Variants in TBC1D32 observed in about 807,000 individuals in gnomAD.
TBC1D32 encodes TBC1 domain family member 32.
TBC1D32 carries 151 observed loss-of-function variants against 170.3 expected under a neutral mutation model. The ratio of observed to expected loss-of-function variants is 0.89; its 90% CI spans 0.78 to 1.01. The LOEUF (loss-of-function observed/expected upper bound fraction) is 1.01, where lower values mean the gene tolerates loss of function less well. Among genes scored for constraint, TBC1D32 ranks in the 50% least tolerant of loss-of-function variants. TBC1D32 has a pLI of 0.00. For missense variants in TBC1D32, 1,464 were observed against 1,457.1 expected (o/e 1.00, Z -0.08); for synonymous variants, 498 against 488.0 (o/e 1.02, Z -0.27).
intron 24 of TBC1D32, among the ~76,000 whole-genome samples, chr6:121,148,909 C>T (rs1783832992): frequency 6.6e-6 from 1 of 152,196 alleles, no homozygotes; most frequent in Non-Finnish European, 1.5e-5. Flanking sequence ...CACATCCTCT[C>T]CAGCATCCAT....
chr6:121,102,072 C>T (rs1379041016), intron 30 of TBC1D32, among the ~76,000 whole-genome samples: 1 of 152,096 alleles, frequency 6.6e-6, no homozygotes, highest in Non-Finnish European at 1.5e-5. Flanking sequence ...CAAACCACTA[C>T]TCAACGAAAT....
At chr6:121,204,620 A>G (rs1791996444) in intron 22 of TBC1D32, among the ~76,000 whole-genome samples, 1 of 151,402 alleles carries the variant, frequency 6.6e-6, no homozygotes, top group African/African-American at 2.5e-5. Flanking sequence ...GTCAAGGAAT[A>G]TGAACTCAAC....
At chr6:121,195,881 C>T (rs948378344) in intron 22 of TBC1D32, among the ~76,000 whole-genome samples, 6 of 152,122 alleles carry the variant, frequency 3.9e-5, no homozygotes, top group African/African-American at 1.4e-4. Context: ...AGCAGTGCAC[C>T]AGGTTGTGCA....
In TBC1D32 at chr6:121,161,024, C is replaced by G; in HGVS notation, c.2603G>C (p.Arg868Thr). The G allele has an allele frequency of 1.9e-6, 3 of 1,613,380 alleles. No homozygotes were observed. The highest frequency in any genetic ancestry group is 2.5e-6 in the Non-Finnish European group (3 of 1,179,734). ...DFIIDGLSVE[R>T]NHVLVRINLV... ...ATTTATTCTAACAAGAACATGATTT[C>G]TCTCCACTGATAAGCCATCAATTAT... The change falls in exon 23 of 32, where the codon AGA (arginine) becomes ACA (threonine). Residue 868 changes from arginine (R) to threonine (T), a missense_variant. By Grantham distance (71) the Arg-to-Thr change is moderately conservative (BLOSUM62 -1). Transcript: ENST00000398212.
rs553617432 is a variant in TBC1D32 at position 121,239,165 on chromosome 6, C to G, written c.2269G>C (p.Glu757Gln). The part of the protein sequence containing the change: ...KSGFINELIT[E>Q]LWSNLEYGRD... The stretch of plus-strand genomic sequence containing the variant: ...CCATATTCCAGATTGGACCATAATT[C>G]AGTTATAAGTTCATTAATAAACCCT... The change falls in exon 20 of 32, where the codon GAA (glutamate) becomes CAA (glutamine). Residue 757 changes from glutamate (E) to glutamine (Q), a missense_variant. Physicochemically the swap from Glu to Gln is conservative, Grantham distance 29. Transcript: ENST00000398212. The G allele has an allele frequency of 1.3e-6, 2 of 1,596,852 alleles. No homozygotes were observed. Among genetic ancestry groups the G allele is most frequent in the Non-Finnish European group, 1.7e-6 (2 of 1,167,340 alleles).
chr6:121,195,110 A>C (rs1158532628), intron 22 of TBC1D32, among the ~76,000 whole-genome samples: 1 of 152,180 alleles, frequency 6.6e-6, no homozygotes, highest in African/African-American at 2.4e-5. Context: ...CACATTCCTC[A>C]CTTGGGTGTG....
intron 31 of TBC1D32, among the ~76,000 whole-genome samples, chr6:121,083,569 A>G (rs1775867457): frequency 6.6e-6 from 1 of 151,120 alleles, no homozygotes. Flanking sequence ...CCAGTTTCAA[A>G]TTTCAAATAT....
intron 24 of TBC1D32, among the ~76,000 whole-genome samples, chr6:121,155,746 T>C (rs1045009421): frequency 6.6e-6 from 1 of 152,196 alleles, no homozygotes; most frequent in African/African-American, 2.4e-5. Flanking sequence ...GGGCTTTTTC[T>C]GTGTCTATTG....
chr6:121,088,944 G>T (rs185535473), intron 31 of TBC1D32, among the ~76,000 whole-genome samples: 202 of 152,220 alleles, frequency 1.3e-3, no homozygotes, highest in African/African-American at 4.7e-3. Context: ...ATTTAAAGAG[G>T]TTAATATTTG....
At chr6:121,283,140 T>C (rs1161683077) in intron 13 of TBC1D32, among the ~76,000 whole-genome samples, 7 of 151,830 alleles carry the variant, frequency 4.6e-5, no homozygotes, top group Admixed American at 4.6e-4. Context: ...CAAACCATTT[T>C]TTTCTTTGAT....
At chr6:121,265,279 G>A (rs1485816546) in intron 15 of TBC1D32, among the ~76,000 whole-genome samples, 2 of 151,916 alleles carry the variant, frequency 1.3e-5, no homozygotes, top group Admixed American at 6.6e-5. Flanking sequence ...AACAGACAGA[G>A]AGCCAAATCA....
chr6:121,113,158 G>A lies in TBC1D32; in HGVS notation c.3073C>T (p.Leu1025Phe), dbSNP rs373991419. 1.0e-4 allele frequency: 166 copies of A among 1,608,240 alleles called. No individual in the cohort carries two copies. The highest frequency in any genetic ancestry group is 1.3e-4 in the Non-Finnish European group (150 of 1,178,076). ...MTVRYGKFLSLLKDGAENDLT... is the reference protein window; with the variant it reads ...MTVRYGKFLSFLKDGAENDLT... ...TCATTTTCTGCACCATCTTTTAAGA[G>A]ACTGAGGAATTTGCCATACCTATAT... The change falls in exon 28 of 32, where the codon CTC (leucine) becomes TTC (phenylalanine). Residue 1025 changes from leucine to phenylalanine, a missense_variant. Physicochemically the swap from Leu to Phe is conservative, Grantham distance 22 (BLOSUM62 0). Coordinates refer to ENST00000398212, the MANE Select transcript of TBC1D32 (RefSeq NM_152730.6).
intron 18 of TBC1D32, 96 bp downstream of exon 18, chr6:121,242,105 T>C: frequency 7.6e-7 from 1 of 1,316,814 alleles, no homozygotes; most frequent in Non-Finnish European, 1.0e-6. Context: ...AACAGAGGCT[T>C]AATAACTTCT....
intron 21 of TBC1D32, among the ~76,000 whole-genome samples, chr6:121,218,591 A>G (rs1794111883): frequency 6.6e-6 from 1 of 152,210 alleles, no homozygotes; most frequent in Admixed American, 6.5e-5. Flanking sequence ...TAGAATATAA[A>G]GCAGGCAGAA....
chr6:121,248,980 C>A (rs1797965299), intron 17 of TBC1D32, among the ~76,000 whole-genome samples: 1 of 151,626 alleles, frequency 6.6e-6, no homozygotes, highest in Non-Finnish European at 1.5e-5. Context: ...TACCAAAACA[C>A]AAAAGGACAT....
intron 31 of TBC1D32, among the ~76,000 whole-genome samples, chr6:121,088,195 T>A (rs920592914): frequency 6.6e-6 from 1 of 152,052 alleles, no homozygotes; most frequent in African/African-American, 2.4e-5. Context: ...GTTCAAGCTA[T>A]CCTCTCGCCT....
intron 24 of TBC1D32, among the ~76,000 whole-genome samples, chr6:121,147,896 A>G (rs961142742): frequency 2.1e-5 from 3 of 142,810 alleles, no homozygotes; most frequent in Admixed American, 7.1e-5. Context: ...CCAGTCTCAT[A>G]TTATTTTTGT....
intron 17 of TBC1D32, among the ~76,000 whole-genome samples, chr6:121,250,150 C>T (rs1798108158): frequency 6.6e-6 from 1 of 151,850 alleles, no homozygotes; most frequent in Non-Finnish European, 1.5e-5. Context: ...ACGAATTCTA[C>T]CAGAGATACA....
intron 20 of TBC1D32, among the ~76,000 whole-genome samples, chr6:121,225,674 T>C (rs796753546): frequency 1.3e-5 from 2 of 152,120 alleles, no homozygotes; most frequent in African/African-American, 4.8e-5. Context: ...GTAAAAATAA[T>C]TCAACAACTG....
Sources: allele counts gnomAD v4.1 joint callset (sites outside exome capture counted in the v4.1 genomes callset), GRCh38; gene constraint gnomAD v4.1.1; transcripts MANE v1.5; gene names NCBI Gene and HGNC (gene_info 2026-07-23, HGNC 2026-07-21).